Variants in KCNB2 observed in about 807,000 individuals in gnomAD.
KCNB2 encodes the protein delayed rectifier potassium channel protein.
Under a neutral mutation model 61.5 loss-of-function variants are expected in KCNB2, and 15 were observed. The ratio of observed to expected loss-of-function variants is 0.24; its 90% CI spans 0.16 to 0.38. The LOEUF (loss-of-function observed/expected upper bound fraction) is 0.38. Among genes scored for constraint, KCNB2 ranks in the 10% least tolerant of loss-of-function variants. The pLI, the probability that KCNB2 is intolerant of heterozygous loss-of-function variation, is 1.00. For synonymous variants in KCNB2, 457 were observed against 446.0 expected, an observed-to-expected ratio of 1.02 and a Z score of -0.31; for missense variants, 828 against 1,125.2, an observed-to-expected ratio of 0.74 and a Z score of 3.78.
intron 2 of KCNB2, among the ~76,000 whole-genome samples, chr8:72,648,144 C>T (rs868321685): frequency 3.3e-5 from 5 of 152,050 alleles, no homozygotes; most frequent in East Asian, 3.9e-4. Context: ...TGTGAATGTT[C>T]GTGTCGAGAG....
At chr8:72,807,134 A>G (rs1463429527) in intron 2 of KCNB2, among the ~76,000 whole-genome samples, 1 of 152,170 alleles carries the variant, frequency 6.6e-6, no homozygotes, top group Admixed American at 6.5e-5. Flanking sequence ...TAACAAAACT[A>G]CCAGGCCTAA....
At chr8:72,822,028 C>T (rs1055515447) in intron 2 of KCNB2, among the ~76,000 whole-genome samples, 3 of 152,176 alleles carry the variant, frequency 2.0e-5, no homozygotes, top group Non-Finnish European at 4.4e-5. Context: ...CAGCTCATCC[C>T]GTGCTACTTG....
intron 2 of KCNB2, among the ~76,000 whole-genome samples, chr8:72,867,316 A>G (rs1805536687): frequency 6.6e-6 from 1 of 152,210 alleles, no homozygotes. Flanking sequence ...GTTGTTACCT[A>G]TATTGTACAA....
rs796505655 is a variant in KCNB2, at chr8:72,882,084, G to GA, written c.580-53840dup. ...TTCTGCAATCTTCTCTCCTTAGCAG[G>GA]AAAAAAAAAAATGTACTGAAGTGAT... On this transcript the variant is annotated intron_variant, in intron 2 of 2. Transcript: ENST00000523207. 1.2e-3 allele frequency among the ~76,000 whole-genome samples: 178 copies of GA among 146,776 alleles called. 1 individual carries two copies. Among genetic ancestry groups the GA allele is most frequent in the South Asian group, 5.2e-3 (24 of 4,644 alleles).
intron 2 of KCNB2, among the ~76,000 whole-genome samples, chr8:72,717,630 A>G (rs1312036249): frequency 6.6e-6 from 1 of 152,134 alleles, no homozygotes; most frequent in Non-Finnish European, 1.5e-5. Flanking sequence ...CTGAAACTGG[A>G]TCCCTTCCTT....
chr8:72,808,058 T>A (rs1809251911), intron 2 of KCNB2, among the ~76,000 whole-genome samples: 2 of 152,288 alleles, frequency 1.3e-5, no homozygotes, highest in South Asian at 4.1e-4. Flanking sequence ...CAATGCAAGT[T>A]ATACAAGAAC....
intron 2 of KCNB2, among the ~76,000 whole-genome samples, chr8:72,595,328 C>CT (rs774432625): frequency 0.026 from 3,664 of 138,502 alleles, 111 homozygotes; most frequent in African/African-American, 0.079. Flanking sequence ...TTTTTTCTTT[C>CT]TTTTTTTTTT....
chr8:72,850,511 GCACCCAGCCACCATT>G (rs1270641210), intron 2 of KCNB2, among the ~76,000 whole-genome samples: 1 of 152,100 alleles, frequency 6.6e-6, no homozygotes, highest in Non-Finnish European at 1.5e-5. Context: ...GTGAGCCACT[GCACCCAGCCACCATT>G]TACGTTTAAT....
chr8:72,578,895 G>T (rs1404788907), intron 2 of KCNB2, among the ~76,000 whole-genome samples: 1 of 152,204 alleles, frequency 6.6e-6, no homozygotes, highest in Non-Finnish European at 1.5e-5. Flanking sequence ...AAGTGAGCCT[G>T]CAGATCAGAT....
At chr8:72,752,380 C>T (rs1260033561) in intron 2 of KCNB2, among the ~76,000 whole-genome samples, 2 of 152,172 alleles carry the variant, frequency 1.3e-5, no homozygotes, top group Non-Finnish European at 2.9e-5. Context: ...TTAGTACTTA[C>T]TCCGTAAAGT....
At chr8:72,931,598 TTGTC>T (rs1351014811) in intron 2 of KCNB2, among the ~76,000 whole-genome samples, 11 of 152,132 alleles carry the variant, frequency 7.2e-5, no homozygotes, top group African/African-American at 2.7e-4. Flanking sequence ...GGCTCTCTGT[TTGTC>T]TGTTATTGGT....
chr8:72,543,506 A>G (rs1287068672), intron 1 of KCNB2, among the ~76,000 whole-genome samples: 1 of 152,206 alleles, frequency 6.6e-6, no homozygotes, highest in Non-Finnish European at 1.5e-5. Context: ...AATTGCAAAC[A>G]GATGTGGGTG....
chr8:72,871,854 A>G (rs1379456078), intron 2 of KCNB2, among the ~76,000 whole-genome samples: 1 of 152,240 alleles, frequency 6.6e-6, no homozygotes, highest in African/African-American at 2.4e-5. Flanking sequence ...TTTGTATTAT[A>G]GGAGATCCAG....
At chr8:72,655,733 AAT>A (rs1806280616) in intron 2 of KCNB2, among the ~76,000 whole-genome samples, 1 of 152,190 alleles carries the variant, frequency 6.6e-6, no homozygotes, top group Non-Finnish European at 1.5e-5. Flanking sequence ...AAGTGTTCAT[AAT>A]AATGATTAAG....
chr8:72,598,402 G>C (rs552941359), intron 2 of KCNB2, among the ~76,000 whole-genome samples: 12 of 152,082 alleles, frequency 7.9e-5, no homozygotes, highest in Admixed American at 1.3e-4. Flanking sequence ...ATTCAACAAC[G>C]CTTCATGCTA....
intron 1 of KCNB2, among the ~76,000 whole-genome samples, chr8:72,549,617 A>G (rs141970665): frequency 6.6e-6 from 1 of 152,324 alleles, no homozygotes. Context: ...AAATTTAAAT[A>G]AACAACTAGC....
intron 2 of KCNB2, among the ~76,000 whole-genome samples, chr8:72,899,905 C>T (rs1585962552): frequency 6.6e-6 from 1 of 152,156 alleles, no homozygotes; most frequent in African/African-American, 2.4e-5. Context: ...TGTCATGGGT[C>T]ATGCTTGTAA....
At chr8:72,693,462 C>T (rs1297266111) in intron 2 of KCNB2, among the ~76,000 whole-genome samples, 4 of 152,150 alleles carry the variant, frequency 2.6e-5, no homozygotes, top group African/African-American at 4.8e-5. Flanking sequence ...CTGTGCCATA[C>T]AGGGAGCATA....
chr8:72,573,303 C>A (rs1806743539), intron 2 of KCNB2, among the ~76,000 whole-genome samples: 1 of 152,170 alleles, frequency 6.6e-6, no homozygotes, highest in Non-Finnish European at 1.5e-5. Flanking sequence ...GGAACAGAAT[C>A]ATAAATGATT....
Sources: gnomAD v4.1 joint callset for allele counts (sites outside exome capture counted in the v4.1 genomes callset) on GRCh38, gnomAD v4.1.1 for gene constraint, MANE v1.5 for transcripts, NCBI Gene and HGNC (gene_info 2026-07-23, HGNC 2026-07-21) for gene names.